The following REV3L variants were observed in gnomAD, a reference collection of about 807,000 sequenced individuals.
REV3L encodes the protein REV3 like, DNA directed polymerase zeta catalytic subunit.
REV3L carries 69 observed loss-of-function variants against 299.4 expected under a neutral mutation model. The ratio of observed to expected loss-of-function variants is 0.23; its 90% confidence interval spans 0.19 to 0.28. REV3L has a LOEUF of 0.28. Ranked by LOEUF, REV3L falls within the 10% of genes least tolerant of loss-of-function variation. The pLI is 1.00. For missense variants in REV3L, 3,128 were observed against 3,693.8 expected (o/e 0.85, Z 3.97); for synonymous variants, 1,238 against 1,271.4 (o/e 0.97, Z 0.56).
intron 1 of REV3L, among the ~76,000 whole-genome samples, chr6:111,426,734 C>T (rs188052428): frequency 5.8e-4 from 89 of 152,284 alleles, no homozygotes; most frequent in South Asian, 1.0e-3. Flanking sequence ...AGTAAATCAA[C>T]AATTCCCTTG....
chr6:111,389,313 C>T (rs1781666699), intron 6 of REV3L, 103 bp from the exon 7 acceptor site: 6 of 835,194 alleles, frequency 7.2e-6, no homozygotes, highest in South Asian at 4.7e-5. Context: ...AAACCAATCA[C>T]ATATTTTGTG....
intron 1 of REV3L, among the ~76,000 whole-genome samples, chr6:111,450,440 T>C (rs907182573): frequency 2.3e-5 from 3 of 130,250 alleles, no homozygotes; most frequent in South Asian, 2.4e-4. Context: ...GCTTGTGCCA[T>C]TGCACTCCAG....
rs765373065 is a variant in REV3L at position 111,375,464 on chromosome 6, C to A, written c.2891G>T (p.Arg964Leu). ...SLDGTLKSRKRRKMSKKLPPV... is the reference protein window; with the variant it reads ...SLDGTLKSRKLRKMSKKLPPV... ...GGGCAGCTTTTTAGACATTTTTCTT[C>A]GTTTTCGGGATTTGAGAGTTCCATC... Residue 964 changes from arginine (R) to leucine (L), a missense_variant, in exon 13 of 32, where the codon CGA (arginine) becomes CTA (leucine). This residue lies in a region of REV3L where 2,409 missense variants were observed against 2,611.8 expected (regional missense o/e 0.92). Coordinates refer to ENST00000368802, the MANE Select transcript of REV3L (RefSeq NM_001372078.1). 4 of 1,601,446 alleles carry A rather than the reference C, an allele frequency of 2.5e-6. No individual in the cohort carries two copies. Among genetic ancestry groups the A allele is most frequent in the African/African-American group, 1.4e-5 (1 of 73,778 alleles).
intron 26 of REV3L, among the ~76,000 whole-genome samples, chr6:111,319,534 G>C (rs1246048066): frequency 5.9e-5 from 9 of 152,136 alleles, no homozygotes; most frequent in Admixed American, 2.0e-4. Flanking sequence ...GTGTGGGGAA[G>C]TGGAGATGGT....
At chr6:111,364,828 GCTTT>G (rs1326399654) in intron 15 of REV3L, among the ~76,000 whole-genome samples, 1 of 151,788 alleles carries the variant, frequency 6.6e-6, no homozygotes, top group Non-Finnish European at 1.5e-5. Context: ...AAATAATGTT[GCTTT>G]CTTTTACTAC....
At chr6:111,408,637 C>CAAAAT (rs1383975398) in intron 3 of REV3L, among the ~76,000 whole-genome samples, 1 of 149,844 alleles carries the variant, frequency 6.7e-6, no homozygotes, top group Non-Finnish European at 1.5e-5. Context: ...CAAAACAAAA[C>CAAAAT]AAAACAAAAC....
intron 25 of REV3L, among the ~76,000 whole-genome samples, chr6:111,325,051 C>T (rs528630417): frequency 1.1e-4 from 17 of 152,234 alleles, no homozygotes; most frequent in South Asian, 2.1e-4. Flanking sequence ...TTAGTAAAGA[C>T]GGGGTTTCAC....
chr6:111,406,818 A>C (rs117283966), intron 3 of REV3L, among the ~76,000 whole-genome samples: 4,337 of 152,316 alleles, frequency 0.028, 75 homozygotes, highest in South Asian at 0.078. Flanking sequence ...GAAATGAATC[A>C]TAAAGAAAAT....
At chr6:111,409,890 T>G (rs1350405416) in intron 3 of REV3L, among the ~76,000 whole-genome samples, 4 of 152,200 alleles carry the variant, frequency 2.6e-5, no homozygotes, top group Non-Finnish European at 5.9e-5. Flanking sequence ...ACCACAATTT[T>G]TGCTTATATA....
intron 25 of REV3L, among the ~76,000 whole-genome samples, chr6:111,326,615 A>C (rs898366339): frequency 4.8e-4 from 70 of 145,666 alleles, no homozygotes; most frequent in African/African-American, 1.4e-3. Flanking sequence ...ACCCCCCCCA[A>C]AAAAAAAAAT....
At chr6:111,467,611 T>A (rs1425443062) in intron 1 of REV3L, among the ~76,000 whole-genome samples, 3 of 152,126 alleles carry the variant, frequency 2.0e-5, no homozygotes, top group Non-Finnish European at 4.4e-5. Context: ...CGTACAAACT[T>A]TTTTCCTTGT....
intron 21 of REV3L, among the ~76,000 whole-genome samples, chr6:111,337,490 GAAC>G (rs1776031741): frequency 6.6e-6 from 1 of 152,050 alleles, no homozygotes; most frequent in South Asian, 2.1e-4. Flanking sequence ...ATGGTATGAT[GAAC>G]ATTTTTAAAG....
intron 21 of REV3L, among the ~76,000 whole-genome samples, chr6:111,337,652 T>G (rs901845278): frequency 6.6e-6 from 1 of 152,226 alleles, no homozygotes; most frequent in Non-Finnish European, 1.5e-5. Flanking sequence ...TTTCCTTGTA[T>G]ATTTGTTAAC....
intron 1 of REV3L, among the ~76,000 whole-genome samples, chr6:111,445,073 T>C (rs1465295890): frequency 2.6e-5 from 4 of 152,182 alleles, no homozygotes; most frequent in African/African-American, 7.2e-5. Flanking sequence ...GAGAGAAATA[T>C]AAGAAGCTCT....
In REV3L at chr6:111,333,500, G is replaced by A. The variant is rs1339187754; in HGVS notation, c.7681-133C>T. The A allele has an allele frequency of 8.7e-6, 10 of 1,149,856 alleles. No individual in the cohort carries two copies. The East Asian group carries it at 2.7e-4, about 31-fold the overall frequency. 71.2% of individuals were successfully genotyped at this position (1,149,856 alleles called of 1,614,324 possible). A position where few individuals can be genotyped will look rare whatever the true frequency, so the allele number is the denominator to read the frequency against. ...GACTTTTTTTTTTTTTTGAGACAGTGTTTCGCTCTTGTTGCCCAAGCTGGA... is the reference window on the plus strand; with the variant it reads ...GACTTTTTTTTTTTTTTGAGACAGTATTTCGCTCTTGTTGCCCAAGCTGGA... On this transcript the variant is annotated intron_variant, in intron 22 of 31. Transcript: ENST00000368802.
intron 1 of REV3L, among the ~76,000 whole-genome samples, chr6:111,454,724 C>T (rs185742482): frequency 5.8e-4 from 89 of 152,142 alleles, no homozygotes; most frequent in African/African-American, 2.0e-3. Flanking sequence ...TGGAGTGCAA[C>T]GGCACGATCT....
At chr6:111,307,034 T>C (rs1171584052) in intron 31 of REV3L, among the ~76,000 whole-genome samples, 6 of 58,566 alleles carry the variant, frequency 1.0e-4, no homozygotes, top group Non-Finnish European at 4.4e-4. Context: ...TCAAAAACTT[T>C]CAGTTTTGGA....
intron 4 of REV3L, among the ~76,000 whole-genome samples, chr6:111,399,909 C>T (rs1782915998): frequency 6.6e-6 from 1 of 152,170 alleles, no homozygotes; most frequent in East Asian, 1.9e-4. Flanking sequence ...TGTACATCCC[C>T]TTTGCAGTCA....
In REV3L at chr6:111,380,097, G is replaced by C. The variant is rs981388634; in HGVS notation, c.1339C>G (p.Gln447Glu). Residue 447 changes from glutamine to glutamate, a missense_variant, in exon 11 of 32, where the codon CAA becomes GAA. This residue lies in a region of REV3L where 2,409 missense variants were observed against 2,611.8 expected (regional missense o/e 0.92). Coordinates refer to ENST00000368802, the MANE Select transcript of REV3L (RefSeq NM_001372078.1). The part of the protein sequence containing the change: ...CRSFGNNKYP[Q>E]NSDDEENEPQ... Reference sequence around the variant, plus strand: ...TCATTTTCTTCATCATCACTATTTTGTGGATATTTATTATTTCCAAAGGAG... The same window carrying C: ...TCATTTTCTTCATCATCACTATTTTCTGGATATTTATTATTTCCAAAGGAG... 2 of 1,613,332 alleles carry C rather than the reference G, an allele frequency of 1.2e-6. No homozygotes were observed. Among genetic ancestry groups the C allele is most frequent in the African/African-American group, 2.7e-5 (2 of 74,900 alleles).
Sources: gnomAD v4.1 joint callset for allele counts (sites outside exome capture counted in the v4.1 genomes callset) on GRCh38, gnomAD v4.1.1 for gene constraint, gnomAD v4.1.1 regional missense constraint, MANE v1.5 for transcripts, NCBI Gene and HGNC (gene_info 2026-07-23, HGNC 2026-07-21) for gene names.